Variants in PAPSS2 observed in about 807,000 individuals in gnomAD.
PAPSS2 encodes 3'-phosphoadenosine 5'-phosphosulfate synthase 2.
Under a neutral mutation model 66.5 loss-of-function variants are expected in PAPSS2, and 61 were observed. The ratio of observed to expected loss-of-function variants is 0.92; its 90% CI spans 0.75 to 1.14. PAPSS2 has a LOEUF of 1.14. Ranked by LOEUF, PAPSS2 falls within the 50% of genes most tolerant of loss-of-function variation. PAPSS2 has a pLI of 0.00. For missense variants in PAPSS2, 708 were observed against 789.6 expected (o/e 0.90, Z 1.24); for synonymous variants, 289 against 287.5 (o/e 1.01, Z -0.05).
At chr10:87,716,097 GT>G (rs1387976732) in intron 7 of PAPSS2, among the ~76,000 whole-genome samples, 1 of 152,202 alleles carries the variant, frequency 6.6e-6, no homozygotes, top group African/African-American at 2.4e-5. Context: ...AGACAGGTCT[GT>G]TTCATCTCCA....
chr10:87,713,397 G>T, intron 3 of PAPSS2, 87 bp downstream of exon 3: 1 of 749,024 alleles, frequency 1.3e-6, no homozygotes, highest in African/African-American at 1.8e-5. Flanking sequence ...GAAGGAATCG[G>T]AGAGGGAGGG....
At chr10:87,712,530 C>A (rs956272772) in intron 2 of PAPSS2, among the ~76,000 whole-genome samples, 4 of 152,202 alleles carry the variant, frequency 2.6e-5, no homozygotes, top group Non-Finnish European at 5.9e-5. Context: ...CGGCTCACTG[C>A]ATGCAGCCTT....
intron 2 of PAPSS2, 65 bp downstream of exon 2, chr10:87,709,378 T>C: frequency 1.0e-6 from 1 of 964,258 alleles, no homozygotes; most frequent in Non-Finnish European, 1.7e-6. Flanking sequence ...CACAATTTTA[T>C]GGAAATTAGT....
chr10:87,716,371 A>G (rs1458815074), intron 7 of PAPSS2, among the ~76,000 whole-genome samples: 1 of 152,244 alleles, frequency 6.6e-6, no homozygotes, highest in African/African-American at 2.4e-5. Flanking sequence ...AAGAGCATTA[A>G]GGCAGCTTTC....
intron 1 of PAPSS2, among the ~76,000 whole-genome samples, chr10:87,701,743 A>T (rs1853320148): frequency 6.6e-6 from 1 of 152,204 alleles, no homozygotes; most frequent in Admixed American, 6.5e-5. Context: ...AGTTTTAAAA[A>T]GTGGATGAGA....
chr10:87,738,346 G>A (rs1410833581), intron 9 of PAPSS2, among the ~76,000 whole-genome samples: 2 of 151,968 alleles, frequency 1.3e-5, no homozygotes, highest in South Asian at 4.1e-4. Context: ...AGTGTACAAG[G>A]GTTCCAATTT....
intron 1 of PAPSS2, among the ~76,000 whole-genome samples, chr10:87,671,121 G>T (rs1852872144): frequency 6.6e-6 from 1 of 152,006 alleles, no homozygotes; most frequent in African/African-American, 2.4e-5. Context: ...CTTGCCTCAG[G>T]ATGCATAACC....
chr10:87,708,816 T>C (rs1252560752), intron 1 of PAPSS2, among the ~76,000 whole-genome samples: 3 of 152,244 alleles, frequency 2.0e-5, no homozygotes, highest in Admixed American at 2.0e-4. Context: ...AATATGCAAT[T>C]GCATTATAAT....
intron 9 of PAPSS2, among the ~76,000 whole-genome samples, chr10:87,728,296 ATAC>A (rs1237337167): frequency 6.6e-6 from 1 of 152,214 alleles, no homozygotes; most frequent in African/African-American, 2.4e-5. Context: ...AAAAAGTCAT[ATAC>A]TACTAATTTG....
chr10:87,661,238 T>TG (rs987397933), intron 1 of PAPSS2, among the ~76,000 whole-genome samples: 1 of 151,030 alleles, frequency 6.6e-6, no homozygotes, highest in Non-Finnish European at 1.5e-5. Flanking sequence ...GAGAACAGGG[T>TG]GGGGGCTCTG....
intron 1 of PAPSS2, among the ~76,000 whole-genome samples, chr10:87,695,633 G>T (rs1853222886): frequency 6.6e-6 from 1 of 152,192 alleles, no homozygotes; most frequent in Admixed American, 6.5e-5. Context: ...GACATGAAGG[G>T]TCTAAGTCAG....
chr10:87,701,384 CTTTCTTTCTTTCTCTTTCTT>C (rs1564716823), intron 1 of PAPSS2, among the ~76,000 whole-genome samples: 18 of 65,250 alleles, frequency 2.8e-4, no homozygotes, highest in Admixed American at 4.2e-4. Flanking sequence ...TTCTTTCTTT[CTTTCTTTCTTTCTCTTTCTT>C]TCTCTCTCTC....
rs547316405 is a variant in PAPSS2 at position 87,677,762 on chromosome 10, C to T, written c.27+17754C>T. Among the ~76,000 whole-genome samples the T allele has an allele frequency of 9.8e-5, 15 of 152,318 alleles. No homozygotes were observed. In the South Asian group the frequency reaches 3.1e-3, roughly 32 times the overall value. On this transcript the variant is annotated intron_variant, in intron 1 of 12. Transcript: ENST00000456849. The stretch of plus-strand genomic sequence containing the variant: ...CCACTATCTCTTTATATAATGACAG[C>T]ATCCACTATGTAAGATTTATATTAC...
At chr10:87,727,802 T>A (rs2131720971) in intron 9 of PAPSS2, among the ~76,000 whole-genome samples, 1 of 152,328 alleles carries the variant, frequency 6.6e-6, no homozygotes, top group South Asian at 2.1e-4. Context: ...AAATCATAGC[T>A]GTAGCTATGC....
chr10:87,665,740 A>C (rs1212619991), intron 1 of PAPSS2, among the ~76,000 whole-genome samples: 1 of 151,898 alleles, frequency 6.6e-6, no homozygotes, highest in Admixed American at 6.6e-5. Flanking sequence ...CTTGAGGAAG[A>C]CCTTTTTTTA....
intron 9 of PAPSS2, among the ~76,000 whole-genome samples, chr10:87,728,442 A>G (rs549547353): frequency 3.3e-5 from 5 of 152,312 alleles, no homozygotes; most frequent in African/African-American, 1.2e-4. Flanking sequence ...TTTCTTTATT[A>G]TAAAAGGAGA....
intron 1 of PAPSS2, among the ~76,000 whole-genome samples, chr10:87,701,353 T>C (rs754898687): frequency 9.0e-6 from 1 of 110,782 alleles, no homozygotes; most frequent in Non-Finnish European, 1.7e-5. Context: ...TCTTTCTTTC[T>C]TTCTTTCTTT....
intron 8 of PAPSS2, among the ~76,000 whole-genome samples, chr10:87,724,719 T>C (rs1217951558): frequency 6.7e-6 from 1 of 148,756 alleles, no homozygotes; most frequent in Non-Finnish European, 1.5e-5. Flanking sequence ...TTGATATCTA[T>C]ATATAACATA....
chr10:87,703,581 T>C (rs1358298461), intron 1 of PAPSS2, among the ~76,000 whole-genome samples: 4 of 152,176 alleles, frequency 2.6e-5, no homozygotes, highest in South Asian at 2.1e-4. Context: ...AAAAAAATAT[T>C]CTTATCCCCA....
Sources: gnomAD v4.1 joint callset for allele counts (sites outside exome capture counted in the v4.1 genomes callset) on GRCh38, gnomAD v4.1.1 for gene constraint, MANE v1.5 for transcripts, NCBI Gene and HGNC (gene_info 2026-07-23, HGNC 2026-07-21) for gene names.